ADCK1: variants seen among roughly 807,000 people sequenced by gnomAD.
ADCK1 encodes aarF domain containing kinase 1.
In ADCK1, 41 loss-of-function variants were observed where a neutral mutation model predicts 52.3. The ratio of observed to expected loss-of-function variants is 0.78; its 90% CI spans 0.61 to 1.02. The LOEUF is 1.02. ADCK1 is among the 50% of genes least tolerant of loss of function. The pLI is 0.00. For missense variants in ADCK1, 658 were observed against 679.5 expected (o/e 0.97, Z 0.35); for synonymous variants, 250 against 274.6 (o/e 0.91, Z 0.89).
intron 3 of ADCK1, among the ~76,000 whole-genome samples, chr14:77,836,451 G>C (rs1459755523): frequency 6.6e-6 from 1 of 152,194 alleles, no homozygotes; most frequent in Non-Finnish European, 1.5e-5. Context: ...CTGTTTTACA[G>C]ATGAAGAAAC....
chr14:77,904,582 A>C (rs11628161), intron 6 of ADCK1, among the ~76,000 whole-genome samples: 13,111 of 152,270 alleles, frequency 0.086, 724 homozygotes, highest in South Asian at 0.13. Flanking sequence ...CAGAAATGTG[A>C]GGTCAGGGCC....
At chr14:77,901,606 T>C (rs2083546526) in intron 6 of ADCK1, among the ~76,000 whole-genome samples, 1 of 151,994 alleles carries the variant, frequency 6.6e-6, no homozygotes, top group Admixed American at 6.5e-5. Context: ...GCCAGGCTGG[T>C]CTCAAACTCC....
chr14:77,827,766 G>A (rs2081746691), intron 3 of ADCK1: 1 of 372,478 alleles, frequency 2.7e-6, no homozygotes, highest in Non-Finnish European at 5.1e-6. Flanking sequence ...CTGGAGCCAG[G>A]TCCCCTGGCA....
Position 77,872,525 on chromosome 14 carries a change from TGTCTTACCC to T in ADCK1, c.423+13247_423+13255del, listed in dbSNP as rs1359928962. 4.0e-5 allele frequency among the ~76,000 whole-genome samples: 6 copies of T among 151,416 alleles called. No individual in the cohort carries two copies. In the East Asian group the frequency reaches 1.2e-3, roughly 30 times the overall value. ...GGAAGTGGGGTGTTAGGCTCTTCCC[TGTCTTACCC>T]CTGGGAAAGGTGCTGCCTCTCTGTG... On this transcript the variant is annotated intron_variant, in intron 4 of 10. Transcript: ENST00000238561.
chr14:77,845,878 T>C lies in ADCK1; in HGVS notation c.220-13198T>C, dbSNP rs187150399. 1.2e-4 allele frequency among the ~76,000 whole-genome samples: 19 copies of C among 152,306 alleles called. No homozygotes were observed. The East Asian group carries it at 3.3e-3, about 26-fold the overall frequency. On this transcript the variant is annotated intron_variant, in intron 3 of 10. Coordinates refer to ENST00000238561, the MANE Select transcript of ADCK1 (RefSeq NM_020421.4). ...TTTTCCATGGTATGCTCTGGAATCA[T>C]TTGGGTTTGAAGTGCTCCTGGAATT... is the stretch of plus-strand genomic sequence containing the variant.
At chr14:77,816,490 C>T (rs999648665) in intron 1 of ADCK1, among the ~76,000 whole-genome samples, 3 of 152,082 alleles carry the variant, frequency 2.0e-5, no homozygotes, top group Admixed American at 6.6e-5. Context: ...ATGCTGATAT[C>T]ATGAAGCTTC....
chr14:77,848,578 ATC>A (rs1311796345), intron 3 of ADCK1, among the ~76,000 whole-genome samples: 4 of 152,100 alleles, frequency 2.6e-5, no homozygotes, highest in African/African-American at 9.7e-5. Context: ...TAATTCTCCT[ATC>A]TCAGCCTCCT....
intron 4 of ADCK1, among the ~76,000 whole-genome samples, chr14:77,863,249 G>A (rs55854915): frequency 0.064 from 9,719 of 152,202 alleles, 707 homozygotes; most frequent in African/African-American, 0.18. Flanking sequence ...GTGGGGTGGG[G>A]CATGTGGTCG....
At chr14:77,892,114 G>A (rs2364) in intron 5 of ADCK1, among the ~76,000 whole-genome samples, 5,499 of 152,182 alleles carry the variant, frequency 0.036, 145 homozygotes, top group South Asian at 0.065. Flanking sequence ...TCCCACTGTT[G>A]TACACTCTCC....
intron 3 of ADCK1, among the ~76,000 whole-genome samples, chr14:77,847,162 A>G (rs1003799431): frequency 6.6e-6 from 1 of 152,102 alleles, no homozygotes; most frequent in Non-Finnish European, 1.5e-5. Context: ...GGGGCAGGGG[A>G]TGGCACAGGA....
rs546576605 is a variant in ADCK1, at chr14:77,884,453, C to G, written c.424-2638C>G. On this transcript the variant is annotated intron_variant, in intron 4 of 10. Transcript: ENST00000238561. ...GGGGAAGGGATGGAACTCACATTTA[C>G]TGGGTCTTGTGTGGGGCCTGGGCAC... Among the ~76,000 whole-genome samples, 6 of 152,292 alleles carry G rather than the reference C, an allele frequency of 3.9e-5. No homozygotes were observed. The South Asian group carries it at 1.2e-3, about 32-fold the overall frequency.
chr14:77,829,246 C>T (rs752743560), intron 3 of ADCK1, among the ~76,000 whole-genome samples: 2 of 150,782 alleles, frequency 1.3e-5, no homozygotes, highest in Non-Finnish European at 3.0e-5. Context: ...TATGTGTGTA[C>T]ACTCACTCAC....
At chr14:77,869,059 A>G (rs1231815106) in intron 4 of ADCK1, among the ~76,000 whole-genome samples, 2 of 152,142 alleles carry the variant, frequency 1.3e-5, no homozygotes, top group Non-Finnish European at 2.9e-5. Context: ...TTCTGAGGGC[A>G]CACAGGGTTG....
chr14:77,926,386 C>G (rs1277254722), intron 9 of ADCK1, among the ~76,000 whole-genome samples: 2 of 152,262 alleles, frequency 1.3e-5, no homozygotes, highest in Admixed American at 1.3e-4. Flanking sequence ...TCTCCCATCA[C>G]ATGGCTCCTC....
intron 9 of ADCK1, among the ~76,000 whole-genome samples, chr14:77,931,243 A>G (rs1262443612): frequency 6.6e-6 from 1 of 152,172 alleles, no homozygotes; most frequent in Non-Finnish European, 1.5e-5. Flanking sequence ...AGCCATGGAG[A>G]ATAACCTGGT....
In ADCK1 at chr14:77,800,128, G is replaced by C. The variant is rs1289301979; in HGVS notation, c.-54G>C. ...TTCCCAGCTAATTCCCCGCTACCGG[G>C]TTGCGGCCGGAAGCCGGGCGCCGCG... On this transcript the variant is annotated 5_prime_UTR_variant, in exon 1 of 11. Coordinates refer to ENST00000238561, the MANE Select transcript of ADCK1 (RefSeq NM_020421.4). 3 of 152,266 alleles carry C rather than the reference G, an allele frequency of 2.0e-5. No individual in the cohort carries two copies. The highest frequency in any genetic ancestry group is 7.2e-5 in the African/African-American group (3 of 41,468). 9.4% of individuals were successfully genotyped at this position (152,266 alleles called of 1,614,324 possible). A position where few individuals can be genotyped will look rare whatever the true frequency, so the allele number is the denominator to read the frequency against.
intron 1 of ADCK1, among the ~76,000 whole-genome samples, chr14:77,805,239 T>A (rs1217284241): frequency 1.1e-4 from 17 of 148,962 alleles, no homozygotes; most frequent in African/African-American, 3.5e-4. Context: ...AGAGTCATTT[T>A]TGGCTTTGCA....
At chr14:77,929,670 A>AT (rs563350912) in intron 9 of ADCK1, among the ~76,000 whole-genome samples, 145 of 146,960 alleles carry the variant, frequency 9.9e-4, no homozygotes, top group Middle Eastern at 3.5e-3. Context: ...AGTGAACAAA[A>AT]TTTTTTTTTT....
intron 3 of ADCK1, among the ~76,000 whole-genome samples, chr14:77,830,402 G>A (rs1268916717): frequency 6.6e-6 from 1 of 151,168 alleles, no homozygotes; most frequent in Admixed American, 6.6e-5. Context: ...TGATCTGCCT[G>A]CCTTGGTCTC....
Sources: allele counts gnomAD v4.1 joint callset (sites outside exome capture counted in the v4.1 genomes callset), GRCh38; gene constraint gnomAD v4.1.1; transcripts MANE v1.5; gene names NCBI Gene and HGNC (gene_info 2026-07-23, HGNC 2026-07-21).